Variants in PRMT8 observed in about 807,000 individuals in gnomAD.
PRMT8 encodes protein arginine methyltransferase 8.
A neutral mutation model predicts 47.1 loss-of-function variants in PRMT8; 7 were observed. The ratio of observed to expected loss-of-function variants is 0.15; its 90% confidence interval spans 0.08 to 0.28. PRMT8 has a LOEUF of 0.28. PRMT8 is among the 10% of genes least tolerant of loss of function. The pLI is 1.00. For missense variants in PRMT8, 237 were observed against 505.4 expected (o/e 0.47, Z 5.09); for synonymous variants, 188 against 186.5 (o/e 1.01, Z -0.07).
In PRMT8 at chr12:3,453,349, A is replaced by G. The variant is rs1460877749; in HGVS notation, c.48+71907A>G. On this transcript the variant is annotated intron_variant, in intron 1 of 9. Transcript: ENST00000452611. This position sits in a 1 kb window ranked among gnomAD's most constrained non-coding sequence, Gnocchi z 4.9. ...GCCCCAGTGTTGAGTCTGGCAGCAGATCCCCAAGGGGTAGAGTTTGCACTG... is the reference window on the plus strand; with the variant it reads ...GCCCCAGTGTTGAGTCTGGCAGCAGGTCCCCAAGGGGTAGAGTTTGCACTG... Among the ~76,000 whole-genome samples, 1 of 152,090 alleles carries G rather than the reference A, an allele frequency of 6.6e-6. No homozygotes were observed. The highest frequency in any genetic ancestry group is 1.5e-5 in the Non-Finnish European group (1 of 68,010).
chr12:3,421,448 T>C (rs983034967), intron 1 of PRMT8, among the ~76,000 whole-genome samples: 1 of 152,190 alleles, frequency 6.6e-6, no homozygotes, highest in African/African-American at 2.4e-5. Flanking sequence ...CAGGGGCTTA[T>C]ATCTGTTTGC....
chr12:3,543,077 G>C (rs1051714873), intron 2 of PRMT8, among the ~76,000 whole-genome samples: 1 of 152,228 alleles, frequency 6.6e-6, no homozygotes, highest in Non-Finnish European at 1.5e-5. Flanking sequence ...AGGGGACTTA[G>C]AGTATAAGAC....
At chr12:3,421,421 G>A (rs1043191937) in intron 1 of PRMT8, among the ~76,000 whole-genome samples, 5 of 152,220 alleles carry the variant, frequency 3.3e-5, no homozygotes, top group African/African-American at 1.2e-4. Context: ...TCCTGCCGGG[G>A]GGTGGGGTGG....
exon 1 of PRMT8, chr12:3,381,428 A>G (rs779669889): frequency 7.8e-6 from 12 of 1,536,130 alleles, no homozygotes; most frequent in Non-Finnish European, 7.8e-6. Context: ...ATTCAAGCTG[A>G]AAGAGGTTTC....
chr12:3,429,487 G>T (rs1299639910), intron 1 of PRMT8, among the ~76,000 whole-genome samples: 1 of 152,112 alleles, frequency 6.6e-6, no homozygotes, highest in Non-Finnish European at 1.5e-5. Flanking sequence ...CAAAGAACAG[G>T]TAAAAAGGGC....
In PRMT8 at chr12:3,439,458, C is replaced by T. The variant is rs1006794468; in HGVS notation, c.48+58016C>T. Among the ~76,000 whole-genome samples, 11 of 152,104 alleles carry T rather than the reference C, an allele frequency of 7.2e-5. No homozygotes were observed. The East Asian group carries it at 7.7e-4, about 11-fold the overall frequency. On this transcript the variant is annotated intron_variant, in intron 1 of 9. Coordinates refer to the PRMT8 transcript ENST00000452611. ...GCTCTATTGTCTATTGTTCTGTAAC[C>T]GTTAAAAACAAACTAAACAAACGTA...
chr12:3,490,563 C>T (rs531165239), upstream of PRMT8, among the ~76,000 whole-genome samples: 273 of 147,874 alleles, frequency 1.8e-3, 2 homozygotes, highest in Non-Finnish European at 3.1e-3. Flanking sequence ...GGGGGCACTG[C>T]AGTCTCGCAT....
At chr12:3,462,465 A>G (rs1865052387) in intron 1 of PRMT8, among the ~76,000 whole-genome samples, 1 of 152,020 alleles carries the variant, frequency 6.6e-6, no homozygotes, top group Non-Finnish European at 1.5e-5. Context: ...TTGTTAAACT[A>G]TAGGTGATAG....
chr12:3,418,915 T>C (rs986385843), intron 1 of PRMT8, among the ~76,000 whole-genome samples: 4 of 152,110 alleles, frequency 2.6e-5, no homozygotes, highest in Admixed American at 1.3e-4. Context: ...AAAGGGTGGG[T>C]AGAAAATGTA....
chr12:3,476,508 C>A (rs916732804), intron 1 of PRMT8, among the ~76,000 whole-genome samples: 5 of 152,154 alleles, frequency 3.3e-5, no homozygotes, highest in Admixed American at 3.3e-4. Context: ...GTGCTCTAGG[C>A]CTTTCAACAA....
At chr12:3,465,016 G>A (rs1458099881) in intron 1 of PRMT8, among the ~76,000 whole-genome samples, 1 of 151,370 alleles carries the variant, frequency 6.6e-6, no homozygotes, top group Admixed American at 6.6e-5. Context: ...TTGGGAGGCT[G>A]AGGCAGGAGA....
intron 1 of PRMT8, among the ~76,000 whole-genome samples, chr12:3,437,652 T>A (rs1864759430): frequency 7.6e-6 from 1 of 132,372 alleles, no homozygotes; most frequent in Non-Finnish European, 1.6e-5. Flanking sequence ...ATATATATAT[T>A]GCATTCAGCT....
At position 3,593,373 on chromosome 12, in the gene PRMT8, G is replaced by T. The variant is rs549844244; in HGVS notation, c.*191G>T. ...TGGACAGAAGGCCTCCAGCTCCTCCGCTCTGCCCTGGTAGCCCTTCACGAA... is the reference window on the plus strand; with the variant it reads ...TGGACAGAAGGCCTCCAGCTCCTCCTCTCTGCCCTGGTAGCCCTTCACGAA... On this transcript the variant is annotated 3_prime_UTR_variant, in exon 10 of 10. Transcript: ENST00000382622. The surrounding 1 kb of genome is among the most constrained non-coding windows in gnomAD (Gnocchi z 4.8). 4 of 573,428 alleles carry T rather than the reference G, an allele frequency of 7.0e-6. No individual in the cohort carries two copies. The highest frequency in any genetic ancestry group is 3.8e-5 in the African/African-American group (2 of 52,702). 35.5% of individuals were successfully genotyped at this position (573,428 alleles called of 1,614,324 possible).
At chr12:3,496,214 A>ATATT in intron 1 of PRMT8, among the ~76,000 whole-genome samples, 16 of 27,776 alleles carry the variant, frequency 5.8e-4, no homozygotes, top group East Asian at 1.7e-3. Flanking sequence ...ATATATATAT[A>ATATT]TTTTTTTTTT....
intron 1 of PRMT8, among the ~76,000 whole-genome samples, chr12:3,441,046 G>A (rs1864796163): frequency 1.3e-5 from 2 of 152,206 alleles, no homozygotes; most frequent in Admixed American, 1.3e-4. Context: ...AACATAAATG[G>A]AACTTTTGAA....
intron 1 of PRMT8, among the ~76,000 whole-genome samples, chr12:3,478,029 A>G (rs1865232326): frequency 6.6e-6 from 1 of 152,184 alleles, no homozygotes; most frequent in Non-Finnish European, 1.5e-5. Context: ...AATGGGTGGC[A>G]TCATCTATAA....
intron 1 of PRMT8, among the ~76,000 whole-genome samples, chr12:3,441,049 C>A (rs1392810865): frequency 3.3e-5 from 5 of 152,142 alleles, no homozygotes; most frequent in East Asian, 3.9e-4. Context: ...ATAAATGGAA[C>A]TTTTGAATTG....
chr12:3,422,254 C>T (rs546016187), intron 1 of PRMT8, among the ~76,000 whole-genome samples: 78 of 152,332 alleles, frequency 5.1e-4, no homozygotes, highest in Non-Finnish European at 9.7e-4. Flanking sequence ...TGCCAACCTT[C>T]GTGGTTACCT....
At chr12:3,531,851 C>T (rs377537715) in intron 1 of PRMT8, among the ~76,000 whole-genome samples, 127 of 152,332 alleles carry the variant, frequency 8.3e-4, no homozygotes, top group African/African-American at 2.9e-3. Flanking sequence ...ATGTCCTTGG[C>T]CCGGCTCTGG....
Sources: gnomAD v4.1 joint callset for allele counts (sites outside exome capture counted in the v4.1 genomes callset) on GRCh38, gnomAD v4.1.1 for gene constraint, Gnocchi (gnomAD v3.1) non-coding constraint, MANE v1.5 for transcripts, NCBI Gene and HGNC (gene_info 2026-07-23, HGNC 2026-07-21) for gene names.